The following HNRNPH1 variants were observed in gnomAD, a reference collection of about 807,000 sequenced individuals.
The protein encoded by HNRNPH1 is heterogeneous nuclear ribonucleoprotein H.
Under a neutral mutation model 58.6 loss-of-function variants are expected in HNRNPH1, and 4 were observed. The ratio of observed to expected loss-of-function variants is 0.07; its 90% confidence interval spans 0.03 to 0.16. HNRNPH1 has a LOEUF of 0.16. HNRNPH1 is among the 10% of genes least tolerant of loss of function. The pLI, the probability that HNRNPH1 is intolerant of heterozygous loss-of-function variation, is 1.00. For synonymous variants in HNRNPH1, 192 were observed against 189.2 expected, an observed-to-expected ratio of 1.01 and a Z score of -0.12; for missense variants, 271 against 564.2, an observed-to-expected ratio of 0.48 and a Z score of 5.26.
chr5:179,624,035 G>A (rs1324983793), exon 1 of HNRNPH1: 1 of 154,400 alleles, frequency 6.5e-6, no homozygotes, highest in Non-Finnish European at 1.4e-5. Flanking sequence ...CTGTATAGGA[G>A]TCCCGAGCTC....
chr5:179,624,555 T>G (rs1350444433), exon 1 of HNRNPH1: 1 of 398,742 alleles, frequency 2.5e-6, no homozygotes, highest in East Asian at 3.6e-5. Context: ...CAGAGCAGAA[T>G]TGGTAAGAGT....
intron 3 of HNRNPH1, chr5:179,619,811 G>A (rs911801989): frequency 6.5e-6 from 1 of 152,850 alleles, no homozygotes; most frequent in African/African-American, 2.4e-5. Context: ...GGAACTTCAA[G>A]TTTTTAAAAA....
intron 8 of HNRNPH1, 185 bp downstream of exon 9, chr5:179,617,329 A>T: frequency 1.3e-6 from 1 of 752,234 alleles, no homozygotes; most frequent in Non-Finnish European, 2.1e-6. Flanking sequence ...AGATGTGCAT[A>T]TCACAAATCC....
exon 10 of HNRNPH1, chr5:179,616,958 T>C: frequency 6.2e-7 from 1 of 1,603,598 alleles, no homozygotes; most frequent in South Asian, 1.1e-5. Flanking sequence ...ATATCTGTGT[T>C]CTGAAATGAG....
At chr5:179,614,806 A>AT in exon 13 of HNRNPH1, 2 of 738,328 alleles carry the variant, frequency 2.7e-6, no homozygotes, top group Non-Finnish European at 4.2e-6. Flanking sequence ...AAAAAAAAAA[A>AT]GGTTGACCAA....
At chr5:179,625,955 A>ATTTTTTTT (rs1010509687), upstream of HNRNPH1, among the ~76,000 whole-genome samples, 411 of 149,842 alleles carry the variant, frequency 2.7e-3, 1 homozygote, top group African/African-American at 9.1e-3. Context: ...TTATTTATTT[A>ATTTTTTTT]TTTATTTATT....
At position 179,617,977 on chromosome 5, in the gene HNRNPH1, T is replaced by C; in HGVS notation, c.787+12A>G. On this transcript the variant is annotated intron_variant, in intron 6 of 12. Transcript: ENST00000356731. ...AGCATCCTTCAACTGAGAAATTCAA[T>C]TCTTACCTTACCTCTTCCAAATCTA... 6.2e-7 allele frequency: 1 copy of C among 1,614,116 alleles called. No homozygotes were observed.
intron 12 of HNRNPH1, 21 bp from the exon 14 acceptor site, chr5:179,614,980 C>T (rs1768802150): frequency 2.9e-6 from 4 of 1,378,906 alleles, no homozygotes; most frequent in Non-Finnish European, 4.0e-6. Flanking sequence ...ATCAATTTGA[C>T]AAGTTAGGAG....
intron 2 of HNRNPH1, among the ~76,000 whole-genome samples, chr5:179,632,753 C>CTTTTTTTTTT (rs752554745): frequency 3.3e-5 from 3 of 92,014 alleles, no homozygotes; most frequent in Non-Finnish European, 6.0e-5. Flanking sequence ...AATCAAATAT[C>CTTTTTTTTTT]TTTTTTTTTT....
At chr5:179,624,690 G>A (rs1774190849), upstream of HNRNPH1, 2 of 398,050 alleles carry the variant, frequency 5.0e-6, no homozygotes, top group Non-Finnish European at 8.9e-6. Flanking sequence ...CTAAGATGCC[G>A]TAGCCTCCCA....
intron 4 of HNRNPH1, 128 bp from the exon 6 acceptor site, chr5:179,618,451 G>C: frequency 1.8e-6 from 1 of 567,468 alleles, no homozygotes; most frequent in East Asian, 3.0e-5. Flanking sequence ...TTTAAAGCCA[G>C]ATTTCTTATA....
chr5:179,615,098 A>C (rs1768877566), intron 12 of HNRNPH1, 139 bp from the exon 14 acceptor site: 3 of 633,662 alleles, frequency 4.7e-6, no homozygotes, highest in South Asian at 1.8e-5. Flanking sequence ...TGTTTGGGAA[A>C]GGGGAATCCC....
chr5:179,615,516 G>A (rs1048706076), intron 12 of HNRNPH1, 30 bp downstream of exon 13: 3 of 1,200,882 alleles, frequency 2.5e-6, no homozygotes, highest in African/African-American at 3.0e-5. Flanking sequence ...TTTGCTATTG[G>A]GAATTTATAT....
upstream of HNRNPH1, among the ~76,000 whole-genome samples, chr5:179,625,775 T>C (rs943074363): frequency 4.1e-5 from 5 of 122,344 alleles, no homozygotes; most frequent in Non-Finnish European, 8.4e-5. Flanking sequence ...TAAATTTTTA[T>C]TTTTTATTTG....
chr5:179,628,809 T>TC (rs1304135263), upstream of HNRNPH1, among the ~76,000 whole-genome samples: 6 of 151,460 alleles, frequency 4.0e-5, no homozygotes, highest in Admixed American at 4.0e-4. Context: ...TTGGCAAAGA[T>TC]CAAGTGTAGG....
intron 2 of HNRNPH1, among the ~76,000 whole-genome samples, chr5:179,632,897 C>G (rs1160566837): frequency 8.0e-6 from 1 of 124,254 alleles, no homozygotes; most frequent in South Asian, 2.8e-4. Flanking sequence ...CCTGCTCTGT[C>G]GCCAGGCTGG....
upstream of HNRNPH1, among the ~76,000 whole-genome samples, chr5:179,625,415 C>G (rs1774287640): frequency 6.6e-6 from 1 of 151,424 alleles, no homozygotes; most frequent in Admixed American, 6.6e-5. Context: ...TCACCTGAAC[C>G]CAGGAGGCAG....
At chr5:179,615,072 C>A in intron 12 of HNRNPH1, 113 bp from the exon 14 acceptor site, 2 of 702,188 alleles carry the variant, frequency 2.8e-6, no homozygotes, top group South Asian at 1.6e-5. Flanking sequence ...GGCTGCTGTC[C>A]AAGTGGCGAG....
chr5:179,614,181 A>G (rs943278405), exon 13 of HNRNPH1: 2 of 152,366 alleles, frequency 1.3e-5, no homozygotes, highest in Non-Finnish European at 2.9e-5. Flanking sequence ...GACAGAGTGC[A>G]GTTTTTAAAA....
Sources: allele counts gnomAD v4.1 joint callset (sites outside exome capture counted in the v4.1 genomes callset), GRCh38; gene constraint gnomAD v4.1.1; transcripts MANE v1.5; gene names NCBI Gene and HGNC (gene_info 2026-07-23, HGNC 2026-07-21).